Variants in ASIC2 observed in about 807,000 individuals in gnomAD.
ASIC2 encodes acid sensing ion channel subunit 2, also known as acid-sensing ion channel 2.
ASIC2 carries 25 observed loss-of-function variants against 57.3 expected under a neutral mutation model. The observed-to-expected ratio is 0.44, with a 90% CI of 0.32 to 0.61. ASIC2 has a LOEUF of 0.61. Among genes scored for constraint, ASIC2 ranks in the 20% least tolerant of loss-of-function variants. The pLI is 0.06. For synonymous variants in ASIC2, 319 were observed against 307.5 expected (o/e 1.04, Z -0.39); for missense variants, 641 against 738.1 (o/e 0.87, Z 1.52).
At chr17:33,628,293 CTTT>C (rs796936645) in intron 1 of ASIC2, among the ~76,000 whole-genome samples, 1 of 143,504 alleles carries the variant, frequency 7.0e-6, no homozygotes, top group Non-Finnish European at 1.5e-5. Flanking sequence ...CCTGTCTGGT[CTTT>C]TTTTTTTTTT....
chr17:33,859,972 C>T (rs1914062859), intron 1 of ASIC2, among the ~76,000 whole-genome samples: 1 of 152,186 alleles, frequency 6.6e-6, no homozygotes, highest in Admixed American at 6.5e-5. Context: ...GCATGAGACA[C>T]CACACCGAGC....
chr17:33,914,506 T>A (rs1020586031), intron 1 of ASIC2, among the ~76,000 whole-genome samples: 5 of 152,124 alleles, frequency 3.3e-5, no homozygotes, highest in East Asian at 1.9e-4. Flanking sequence ...GAGACAGAGA[T>A]GGTGGCCAGA....
intron 1 of ASIC2, among the ~76,000 whole-genome samples, chr17:34,075,823 CTTTTTTTTTTTTTTTTT>C (rs57703083): frequency 7.7e-5 from 6 of 77,548 alleles, no homozygotes; most frequent in Non-Finnish European, 1.4e-4. Flanking sequence ...TTTCTTTTTC[CTTTTTTTTTTTTTTTTT>C]TTTTTTTTGA....
intron 1 of ASIC2, among the ~76,000 whole-genome samples, chr17:34,055,685 C>T (rs577287413): frequency 6.6e-6 from 1 of 152,164 alleles, no homozygotes; most frequent in African/African-American, 2.4e-5. Context: ...TTTTAAAATT[C>T]ATTTATGTTG....
intron 1 of ASIC2, among the ~76,000 whole-genome samples, chr17:33,385,205 AGTATAAG>A (rs1216833716): frequency 1.3e-5 from 2 of 152,240 alleles, no homozygotes; most frequent in Non-Finnish European, 2.9e-5. Context: ...CTCTGCTGTG[AGTATAAG>A]ACTGAATAGA....
At chr17:34,110,341 A>G (rs1238606723) in intron 1 of ASIC2, among the ~76,000 whole-genome samples, 10 of 152,172 alleles carry the variant, frequency 6.6e-5, no homozygotes, top group Non-Finnish European at 1.0e-4. Flanking sequence ...CGCTGGCCTA[A>G]TTCCTAACCA....
intron 1 of ASIC2, among the ~76,000 whole-genome samples, chr17:34,121,029 C>T (rs779223307): frequency 3.4e-4 from 51 of 152,022 alleles, no homozygotes; most frequent in Non-Finnish European, 6.0e-4. Context: ...CGTGAACCAC[C>T]GTGCCTGGCC....
intron 1 of ASIC2, among the ~76,000 whole-genome samples, chr17:33,342,779 C>T (rs1234595351): frequency 6.6e-6 from 1 of 152,138 alleles, no homozygotes; most frequent in Non-Finnish European, 1.5e-5. Flanking sequence ...AGATCTTCTC[C>T]ACAGCTGCCC....
intron 1 of ASIC2, chr17:33,112,748 G>A (rs765485698): frequency 2.6e-5 from 4 of 152,018 alleles, no homozygotes; most frequent in African/African-American, 9.7e-5. Context: ...AGCGTTTTTT[G>A]ACTGCATCAC....
In ASIC2 at chr17:33,824,021, A is replaced by C. The variant is rs549276997; in HGVS notation, c.555+331957T>G. Among the ~76,000 whole-genome samples, 7 of 152,278 alleles carry C rather than the reference A, an allele frequency of 4.6e-5. No individual in the cohort carries two copies. The East Asian group carries it at 1.2e-3, about 25-fold the overall frequency. On this transcript the variant is annotated intron_variant, in intron 1 of 9. Coordinates refer to the ASIC2 transcript ENST00000359872. ...TGTTTCAAATTCAGGCAGTTTGTCA[A>C]AAGTGAAGACATGGCCCAGAAGGGT...
intron 1 of ASIC2, among the ~76,000 whole-genome samples, chr17:33,136,353 A>C (rs2092367160): frequency 6.6e-6 from 1 of 152,214 alleles, no homozygotes; most frequent in Admixed American, 6.5e-5. Context: ...AAAAATACAC[A>C]CAATAAAACA....
intron 1 of ASIC2, among the ~76,000 whole-genome samples, chr17:33,408,537 T>G (rs1263561110): frequency 6.6e-6 from 1 of 152,238 alleles, no homozygotes; most frequent in African/African-American, 2.4e-5. Flanking sequence ...AATGATGCTA[T>G]AGTAGGTAAC....
intron 1 of ASIC2, among the ~76,000 whole-genome samples, chr17:33,549,921 G>A (rs560672453): frequency 1.6e-4 from 25 of 152,254 alleles, no homozygotes; most frequent in South Asian, 4.1e-4. Context: ...CTCATGGGGC[G>A]GCTAAACCTA....
At chr17:34,100,389 G>A (rs772663389) in intron 1 of ASIC2, among the ~76,000 whole-genome samples, 15 of 152,030 alleles carry the variant, frequency 9.9e-5, no homozygotes, top group Non-Finnish European at 2.1e-4. Context: ...TCCATGGCAC[G>A]GTAAGGCTCG....
intron 4 of ASIC2, among the ~76,000 whole-genome samples, chr17:33,026,917 T>G (rs768669163): frequency 2.0e-5 from 3 of 152,208 alleles, no homozygotes; most frequent in African/African-American, 4.8e-5. Flanking sequence ...CATGTTTCCC[T>G]GTTTGCTCTG....
chr17:33,171,846 C>G (rs1905532848), intron 1 of ASIC2, among the ~76,000 whole-genome samples: 1 of 152,230 alleles, frequency 6.6e-6, no homozygotes, highest in Non-Finnish European at 1.5e-5. Context: ...TCCACTCCCT[C>G]TCACCACAAG....
At chr17:33,439,178 T>C (rs1379107180) in intron 1 of ASIC2, among the ~76,000 whole-genome samples, 1 of 152,186 alleles carries the variant, frequency 6.6e-6, no homozygotes, top group Non-Finnish European at 1.5e-5. Context: ...TGTGGCACTG[T>C]GTCAGCCTTG....
chr17:33,478,562 C>T (rs1306818276), intron 1 of ASIC2, among the ~76,000 whole-genome samples: 3 of 152,212 alleles, frequency 2.0e-5, no homozygotes, highest in African/African-American at 2.4e-5. Flanking sequence ...GTCAATCCTT[C>T]GGGAGAAAAT....
chr17:33,813,013 A>G (rs565901986), intron 1 of ASIC2, among the ~76,000 whole-genome samples: 3 of 152,140 alleles, frequency 2.0e-5, no homozygotes, highest in Non-Finnish European at 4.4e-5. Flanking sequence ...TGATATCCTC[A>G]TCTGGTGCCA....
Sources: allele counts gnomAD v4.1 joint callset (sites outside exome capture counted in the v4.1 genomes callset), GRCh38; gene constraint gnomAD v4.1.1; transcripts MANE v1.5; gene names NCBI Gene and HGNC (gene_info 2026-07-23, HGNC 2026-07-21).